Variants in CNTN2 observed in about 807,000 individuals in gnomAD.
CNTN2 encodes contactin 2.
Under a neutral mutation model 117.5 loss-of-function variants are expected in CNTN2, and 53 were observed. The ratio of observed to expected loss-of-function variants is 0.45; its 90% CI spans 0.36 to 0.57. CNTN2 has a LOEUF of 0.57. Among genes scored for constraint, CNTN2 ranks in the 20% least tolerant of loss-of-function variants. The pLI is 0.00. For missense variants in CNTN2, 1,106 were observed against 1,404.3 expected, an observed-to-expected ratio of 0.79 and a Z score of 3.39; for synonymous variants, 530 against 561.7, an observed-to-expected ratio of 0.94 and a Z score of 0.80.
chr1:205,064,552 G>A, intron 11 of CNTN2, 71 bp from the exon 12 acceptor site: 2 of 1,599,910 alleles, frequency 1.3e-6, no homozygotes, highest in East Asian at 4.5e-5. Flanking sequence ...TGTGACAACA[G>A]TCACAGGAGT....
Position 205,059,289 on chromosome 1 carries a change from T to G in CNTN2, c.693T>G (p.Ala231=). The G allele has an allele frequency of 6.2e-7, 1 of 1,613,458 alleles. No individual in the cohort carries two copies. Among genetic ancestry groups the G allele is most frequent in the Non-Finnish European group, 8.5e-7 (1 of 1,179,746 alleles). ...AGTTTGCTCAGCTCAACCTGGCTGC[T>G]GAAGGTCAGGCTTGGCCAGGCGTGG... is the stretch of plus-strand genomic sequence containing the variant. ...FSKFAQLNLA[A]EDTRLFAPSI... Residue 231 remains alanine (A), a synonymous_variant, in exon 6 of 23, where the codon GCT becomes GCG. Transcript: ENST00000331830. The surrounding 1 kb of genome is among the most constrained non-coding windows in gnomAD (Gnocchi z 5.6).
At chr1:205,051,438 G>A (rs4951161) in intron 1 of CNTN2, among the ~76,000 whole-genome samples, 33,402 of 152,164 alleles carry the variant, frequency 0.22, 4,583 homozygotes, top group East Asian at 0.64. Flanking sequence ...GGATGTGCTG[G>A]GGGAATGTCG....
At position 205,058,026 on chromosome 1, in the gene CNTN2, T is replaced by G; in HGVS notation, c.176T>G (p.Leu59Arg). 1 of 1,613,964 alleles carries G rather than the reference T, an allele frequency of 6.2e-7. No homozygotes were observed. The highest frequency in any genetic ancestry group is 8.5e-7 in the Non-Finnish European group (1 of 1,179,958). Residue 59 changes from leucine to arginine, a missense_variant, in exon 3 of 23, where the codon CTG becomes CGG. By Grantham distance (102) the Leu-to-Arg change is moderately radical (BLOSUM62 -2). Transcript: ENST00000331830. This position sits in a 1 kb window ranked among gnomAD's most constrained non-coding sequence, Gnocchi z 4.3. Reference sequence around the variant, plus strand: ...GAGTCCACGGAGGAGCAGGTGTTGCTGGCATGCCGCGCCCGGGCCAGCCCT... The same window carrying G: ...GAGTCCACGGAGGAGCAGGTGTTGCGGGCATGCCGCGCCCGGGCCAGCCCT... The part of the protein sequence containing the change: ...PEESTEEQVL[L>R]ACRARASPPA...
In CNTN2 at chr1:205,059,733, G is replaced by A. The variant is rs767106317; in HGVS notation, c.797+51G>A. ...AGAGCACGGTCTCTCGGGGGCACAG[G>A]TGACCCCAGGGTGAGGGCAGGCAGA... On this transcript the variant is annotated intron_variant, in intron 7 of 22. Transcript: ENST00000331830. This position sits in a 1 kb window ranked among gnomAD's most constrained non-coding sequence, Gnocchi z 5.6. 4.6e-6 allele frequency: 7 copies of A among 1,523,346 alleles called. No homozygotes were observed. In the Admixed American group the frequency reaches 8.5e-5, roughly 18 times the overall value. The allele number at this position is 1,523,346 out of a possible 1,614,324, so 94.4% of individuals were successfully genotyped here.
At position 205,064,970 on chromosome 1, in the gene CNTN2, T is replaced by A. The variant is rs940219399; in HGVS notation, c.1520-117T>A. The A allele has an allele frequency of 3.1e-6, 4 of 1,291,126 alleles. No individual in the cohort carries two copies. In the African/African-American group the frequency reaches 5.9e-5, roughly 19 times the overall value. 80.0% of individuals were successfully genotyped at this position (1,291,126 alleles called of 1,614,324 possible). ...GTCCTGGGCAGTTGGGACCTGTGGG[T>A]CACACCACCTCTTCTCTTTGCTGGG... On this transcript the variant is annotated intron_variant, in intron 12 of 22. Coordinates refer to ENST00000331830, the MANE Select transcript of CNTN2 (RefSeq NM_005076.5).
Position 205,073,342 on chromosome 1 carries a change from G to C in CNTN2, c.3013+106G>C, listed in dbSNP as rs1654692932. 1 of 1,373,658 alleles carries C rather than the reference G, an allele frequency of 7.3e-7. No homozygotes were observed. The highest frequency in any genetic ancestry group is 1.0e-6 in the Non-Finnish European group (1 of 1,000,176). 85.1% of individuals were successfully genotyped at this position (1,373,658 alleles called of 1,614,324 possible). A position where few individuals can be genotyped will look rare whatever the true frequency, so the allele number is the denominator to read the frequency against. ...CCAACTCCAATCTCTACCCGCAAAG[G>C]AAAGTGGAAGGCAGGCAGGAACCAA... is the stretch of plus-strand genomic sequence containing the variant. On this transcript the variant is annotated intron_variant, in intron 22 of 22. Coordinates refer to ENST00000331830, the MANE Select transcript of CNTN2 (RefSeq NM_005076.5). This position sits in a 1 kb window ranked among gnomAD's most constrained non-coding sequence, Gnocchi z 6.3.
At position 205,066,435 on chromosome 1, in the gene CNTN2, G is replaced by A. The variant is rs1455790655; in HGVS notation, c.1817-6G>A. ...TGACCCACTGTGCTCTGACCTCTTG[G>A]TGCAGGTCCGCCAGGTCCCCCAGGA... On this transcript the variant is annotated splice_region_variant and splice_polypyrimidine_tract_variant and intron_variant, in intron 14 of 22. Transcript: ENST00000331830. The A allele has an allele frequency of 1.2e-6, 2 of 1,613,232 alleles. No individual in the cohort carries two copies. Among genetic ancestry groups the A allele is most frequent in the African/African-American group, 1.3e-5 (1 of 74,906 alleles).
At chr1:205,052,869 G>A (rs995302726) in intron 1 of CNTN2, among the ~76,000 whole-genome samples, 8 of 152,188 alleles carry the variant, frequency 5.3e-5, no homozygotes, top group Non-Finnish European at 1.2e-4. Flanking sequence ...GGGGCAGGTG[G>A]GGGTACAGGG....
intron 18 of CNTN2, 39 bp downstream of exon 18, chr1:205,070,100 G>T: frequency 6.3e-7 from 1 of 1,590,730 alleles, no homozygotes; most frequent in Non-Finnish European, 8.6e-7. Flanking sequence ...CCCTACCCCA[G>T]CCACTTGTCC....
intron 10 of CNTN2, 92 bp downstream of exon 10, chr1:205,062,661 ACATAC>A: frequency 7.1e-7 from 1 of 1,408,674 alleles, no homozygotes; most frequent in Non-Finnish European, 9.4e-7. Flanking sequence ...ACACACATGC[ACATAC>A]CCTGTGGCCA....
intron 2 of CNTN2, among the ~76,000 whole-genome samples, chr1:205,055,059 G>A (rs1424599501): frequency 6.6e-6 from 1 of 152,126 alleles, no homozygotes; most frequent in Non-Finnish European, 1.5e-5. Flanking sequence ...TGTTGCCCAG[G>A]CTGGAGTGCA....
At position 205,048,907 on chromosome 1, in the gene CNTN2, C is replaced by T. The variant is rs2096446845; in HGVS notation, c.-86-4193C>T. On this transcript the variant is annotated intron_variant, in intron 1 of 22. Coordinates refer to ENST00000331830, the MANE Select transcript of CNTN2 (RefSeq NM_005076.5). The surrounding 1 kb of genome is among the most constrained non-coding windows in gnomAD (Gnocchi z 4.1). ...GGAGCTCCAGCCTTTAGCCCAGACTCTGCGTGTGTGTGTGTGTGTGTGTGT... is the reference window on the plus strand; with the variant it reads ...GGAGCTCCAGCCTTTAGCCCAGACTTTGCGTGTGTGTGTGTGTGTGTGTGT... Among the ~76,000 whole-genome samples the T allele has an allele frequency of 7.4e-6, 1 of 134,354 alleles. No homozygotes were observed. The highest frequency in any genetic ancestry group is 8.0e-5 in the Admixed American group (1 of 12,572). The allele number at this position is 134,354 out of a possible 152,430, so 88.1% of individuals were successfully genotyped here.
intron 1 of CNTN2, among the ~76,000 whole-genome samples, chr1:205,045,472 A>G (rs2151180300): frequency 6.6e-6 from 1 of 152,290 alleles, no homozygotes; most frequent in South Asian, 2.1e-4. Context: ...GAGCATGTAC[A>G]TAGACAGGTG....
intron 21 of CNTN2, 50 bp downstream of exon 21, chr1:205,072,645 T>C: frequency 2.2e-6 from 3 of 1,383,280 alleles, no homozygotes; most frequent in Non-Finnish European, 3.1e-6. Context: ...AGCTCCTCTG[T>C]GTTTCCAGTG....
At chr1:205,044,500 GCATGCCATGGCCC>G (rs1209676435) in intron 1 of CNTN2, among the ~76,000 whole-genome samples, 1 of 151,920 alleles carries the variant, frequency 6.6e-6, no homozygotes, top group Non-Finnish European at 1.5e-5. Context: ...GTGGGGTTGT[GCATGCCATGGCCC>G]CAGCCCTGGA....
chr1:205,068,735 CA>C (rs1297629183), intron 16 of CNTN2: 1 of 152,206 alleles, frequency 6.6e-6, no homozygotes, highest in African/African-American at 2.4e-5. Context: ...CTCACAGGAT[CA>C]AATGGCCAAT....
chr1:205,061,956 G>A lies in CNTN2; in HGVS notation c.1065G>A (p.Arg355=), dbSNP rs1410682908. 2.5e-6 allele frequency: 4 copies of A among 1,612,050 alleles called. No individual in the cohort carries two copies. The highest frequency in any genetic ancestry group is 1.3e-5 in the African/African-American group (1 of 74,872). Residue 355 remains arginine (R), a synonymous_variant, in exon 9 of 23, where the codon CGG becomes CGA. Transcript: ENST00000331830. The surrounding 1 kb of genome is among the most constrained non-coding windows in gnomAD (Gnocchi z 4.8). ...GCTGTGCAGCCGCCGGCAAGCCCCGGCCTACAGTGCGCTGGCTGCGGAACG... is the reference window on the plus strand; with the variant it reads ...GCTGTGCAGCCGCCGGCAAGCCCCGACCTACAGTGCGCTGGCTGCGGAACG... ...RWGCAAAGKP[R]PTVRWLRNGE...
intron 10 of CNTN2, 57 bp from the exon 11 acceptor site, chr1:205,064,265 A>G (rs1486003102): frequency 5.0e-5 from 76 of 1,506,478 alleles, no homozygotes; most frequent in Non-Finnish European, 6.4e-5. Context: ...CACGCCAAGT[A>G]ACGTCTTAAT....
rs150899373 is a variant in CNTN2, at chr1:205,061,158, C to T, written c.798-87C>T. 8.3e-5 allele frequency: 118 copies of T among 1,419,854 alleles called. No individual in the cohort carries two copies. The East Asian group carries it at 2.2e-3, about 27-fold the overall frequency. 88.0% of individuals were successfully genotyped at this position (1,419,854 alleles called of 1,614,324 possible). ...TCCCAGGCCCAGCATCTCAGGAGGG[C>T]CTGAGAGTCTGGGTATGAGGAGCTG... On this transcript the variant is annotated intron_variant, in intron 7 of 22. Transcript: ENST00000331830. This position sits in a 1 kb window ranked among gnomAD's most constrained non-coding sequence, Gnocchi z 4.8.
Sources: allele counts gnomAD v4.1 joint callset (sites outside exome capture counted in the v4.1 genomes callset), GRCh38; gene constraint gnomAD v4.1.1; non-coding constraint Gnocchi (gnomAD v3.1); transcripts MANE v1.5; gene names NCBI Gene and HGNC (gene_info 2026-07-23, HGNC 2026-07-21).